Variants in ULK4 observed in about 807,000 individuals in gnomAD.
The protein encoded by ULK4 is unc-51 like kinase 4.
ULK4 carries 133 observed loss-of-function variants against 160.6 expected under a neutral mutation model. The observed-to-expected ratio is 0.83, with a 90% CI of 0.72 to 0.96. ULK4 has a LOEUF of 0.96. Ranked by LOEUF, ULK4 falls within the 40% of genes least tolerant of loss-of-function variation. The pLI is 0.00. For missense variants in ULK4, 1,580 were observed against 1,499.5 expected (o/e 1.05, Z -0.89); for synonymous variants, 534 against 539.8 (o/e 0.99, Z 0.15).
chr3:41,732,641 C>T (rs2037871845), intron 22 of ULK4, among the ~76,000 whole-genome samples: 1 of 151,994 alleles, frequency 6.6e-6, no homozygotes, highest in African/African-American at 2.4e-5. Context: ...AAAAATAATT[C>T]AATATATCAA....
intron 17 of ULK4, among the ~76,000 whole-genome samples, chr3:41,836,764 C>T (rs897194458): frequency 8.5e-5 from 13 of 152,296 alleles, no homozygotes; most frequent in African/African-American, 2.2e-4. Context: ...ATAATGTACG[C>T]TGAAACTCGA....
intron 32 of ULK4, among the ~76,000 whole-genome samples, chr3:41,503,647 G>A (rs1361454914): frequency 1.3e-5 from 2 of 152,004 alleles, no homozygotes; most frequent in Admixed American, 1.3e-4. Context: ...AAATAATGAT[G>A]TCTTTTTATA....
rs138981457 is a variant in ULK4, at chr3:41,815,469, C to CTTT, written c.1848+3951_1848+3953dup. On this transcript the variant is annotated intron_variant, in intron 19 of 36. Coordinates refer to ENST00000301831, the MANE Select transcript of ULK4 (RefSeq NM_017886.4). ...ATTAACAATGAAATATACGATTTCA[C>CTTT]TTTTTTTTACTACAGTTGTTGCTGC... Among the ~76,000 whole-genome samples the CTTT allele has an allele frequency of 1.9e-3, 288 of 152,088 alleles. 4 individuals are homozygous for CTTT. The highest frequency in any genetic ancestry group is 3.1e-3 in the Non-Finnish European group (209 of 67,988).
At chr3:41,315,783 T>C (rs568797540) in intron 35 of ULK4, among the ~76,000 whole-genome samples, 5 of 152,146 alleles carry the variant, frequency 3.3e-5, no homozygotes, top group South Asian at 2.1e-4. Context: ...CATGAAAACA[T>C]AGATGCTCAA....
intron 18 of ULK4, among the ~76,000 whole-genome samples, chr3:41,831,417 C>T (rs1408257779): frequency 8.3e-6 from 1 of 119,908 alleles, no homozygotes; most frequent in Admixed American, 8.3e-5. Flanking sequence ...ATATACTAGT[C>T]GTTTTTTTTT....
At chr3:41,757,375 G>A (rs998519951) in intron 21 of ULK4, among the ~76,000 whole-genome samples, 6 of 152,102 alleles carry the variant, frequency 3.9e-5, no homozygotes, top group Non-Finnish European at 8.8e-5. Context: ...GCTCACGCCT[G>A]TAATCCCAGC....
In ULK4 at chr3:41,954,249, A is replaced by G. The variant is rs577318000; in HGVS notation, c.138+373T>C. Among the ~76,000 whole-genome samples, 6 of 151,150 alleles carry G rather than the reference A, an allele frequency of 4.0e-5. No homozygotes were observed. In the South Asian group the frequency reaches 8.4e-4, roughly 21 times the overall value. Reference sequence around the variant, plus strand: ...GTGGTATGTGCCTGTAGTCCCAGCTACTCTGGAGACTGAGGTGGGAGGATC... The same window carrying G: ...GTGGTATGTGCCTGTAGTCCCAGCTGCTCTGGAGACTGAGGTGGGAGGATC... On this transcript the variant is annotated intron_variant, in intron 2 of 36. Coordinates refer to ENST00000301831, the MANE Select transcript of ULK4 (RefSeq NM_017886.4).
intron 35 of ULK4, among the ~76,000 whole-genome samples, chr3:41,320,229 A>G (rs1463371436): frequency 6.6e-6 from 1 of 152,102 alleles, no homozygotes; most frequent in Non-Finnish European, 1.5e-5. Context: ...GGTATATATG[A>G]AGTACTCACC....
chr3:41,925,596 C>T (rs975997536), intron 5 of ULK4, among the ~76,000 whole-genome samples: 1 of 152,134 alleles, frequency 6.6e-6, no homozygotes, highest in Non-Finnish European at 1.5e-5. Flanking sequence ...CAGGGAGTCA[C>T]ATGGTCAGGC....
intron 34 of ULK4, among the ~76,000 whole-genome samples, chr3:41,436,625 A>G (rs552894708): frequency 4.6e-5 from 7 of 152,282 alleles, no homozygotes; most frequent in Middle Eastern, 3.4e-3. Flanking sequence ...CACTGTGTCA[A>G]TCAGCTGTAC....
chr3:41,630,381 G>GAT (rs2033694103), intron 30 of ULK4, among the ~76,000 whole-genome samples: 1 of 152,090 alleles, frequency 6.6e-6, no homozygotes, highest in Non-Finnish European at 1.5e-5. Flanking sequence ...GCCAGCTAGG[G>GAT]ATCTCTCTCA....
intron 31 of ULK4, among the ~76,000 whole-genome samples, chr3:41,594,061 A>G (rs1423061355): frequency 6.6e-6 from 1 of 151,778 alleles, no homozygotes; most frequent in Non-Finnish European, 1.5e-5. Context: ...GAAAAGAGAG[A>G]GAGGGGAGGG....
At chr3:41,572,795 A>C (rs980730082) in intron 31 of ULK4, among the ~76,000 whole-genome samples, 2 of 151,970 alleles carry the variant, frequency 1.3e-5, no homozygotes, top group African/African-American at 4.8e-5. Flanking sequence ...TATATAACCC[A>C]AGAAGCATGA....
intron 35 of ULK4, among the ~76,000 whole-genome samples, chr3:41,364,566 G>A (rs1424921715): frequency 2.6e-5 from 4 of 151,864 alleles, no homozygotes; most frequent in Admixed American, 2.6e-4. Context: ...CTCCATTTGT[G>A]AATTCTTTAC....
At chr3:41,709,074 G>GA (rs1342902926) in intron 25 of ULK4, among the ~76,000 whole-genome samples, 3 of 152,032 alleles carry the variant, frequency 2.0e-5, no homozygotes, top group African/African-American at 7.2e-5. Flanking sequence ...TATATGAATG[G>GA]AAAACGTAAG....
intron 35 of ULK4, among the ~76,000 whole-genome samples, chr3:41,328,621 G>A (rs866378931): frequency 3.3e-5 from 5 of 152,174 alleles, no homozygotes; most frequent in Non-Finnish European, 5.9e-5. Flanking sequence ...AGGCTTCGTA[G>A]AAGGCAATAT....
chr3:41,403,047 G>A (rs1247477183), intron 34 of ULK4, among the ~76,000 whole-genome samples: 4 of 152,020 alleles, frequency 2.6e-5, no homozygotes, highest in African/African-American at 9.7e-5. Flanking sequence ...CTACTTGGGA[G>A]GCTGAGGCAG....
intron 35 of ULK4, among the ~76,000 whole-genome samples, chr3:41,383,431 A>G (rs1169238746): frequency 6.6e-6 from 1 of 152,046 alleles, no homozygotes; most frequent in East Asian, 1.9e-4. Context: ...TCATTCTAAT[A>G]CTCAACATGC....
At chr3:41,392,803 A>G (rs1159195764) in intron 35 of ULK4, among the ~76,000 whole-genome samples, 1 of 152,148 alleles carries the variant, frequency 6.6e-6, no homozygotes, top group Non-Finnish European at 1.5e-5. Context: ...TGCATTTGTC[A>G]GGCCTCCTTA....
Sources: allele counts gnomAD v4.1 joint callset (sites outside exome capture counted in the v4.1 genomes callset), GRCh38; gene constraint gnomAD v4.1.1; transcripts MANE v1.5; gene names NCBI Gene and HGNC (gene_info 2026-07-23, HGNC 2026-07-21).